Variants in RNF168 observed in about 807,000 individuals in gnomAD.
RNF168 encodes E3 ubiquitin-protein ligase RNF168.
A neutral mutation model predicts 34.9 loss-of-function variants in RNF168; 34 were observed. The ratio of observed to expected loss-of-function variants is 0.97; its 90% CI spans 0.74 to 1.30. The LOEUF (loss-of-function observed/expected upper bound fraction) is 1.30. Among genes scored for constraint, RNF168 ranks in the 50% most tolerant of loss-of-function variants. RNF168 has a pLI of 0.00. For missense variants in RNF168, 725 were observed against 682.5 expected, an observed-to-expected ratio of 1.06 and a Z score of -0.69; for synonymous variants, 264 against 254.7, an observed-to-expected ratio of 1.04 and a Z score of -0.35.
chr3:196,497,300 T>G (rs754982508), intron 1 of RNF168, among the ~76,000 whole-genome samples: 11 of 152,158 alleles, frequency 7.2e-5, no homozygotes, highest in African/African-American at 2.7e-4. Context: ...GATACCCATA[T>G]GGGAAAAAGT....
rs116957967 is a variant in RNF168 at position 196,502,671 on chromosome 3, T to C, written c.301+202A>G. 2.9e-3 allele frequency among the ~76,000 whole-genome samples: 447 copies of C among 152,220 alleles called. 21 individuals are homozygous for C. In the South Asian group the frequency reaches 0.075, roughly 25 times the overall value. The stretch of plus-strand genomic sequence containing the variant: ...ACCCATCGAACACAGCGCGGGCATT[T>C]TGACAATGGACAAAATCTTGCCCTT... On this transcript the variant is annotated intron_variant, in intron 1 of 5. Coordinates refer to ENST00000318037, the MANE Select transcript of RNF168 (RefSeq NM_152617.4).
chr3:196,486,589 T>C (rs1732429449), intron 3 of RNF168, among the ~76,000 whole-genome samples: 1 of 152,196 alleles, frequency 6.6e-6, no homozygotes, highest in African/African-American at 2.4e-5. Context: ...TCGCCTCAGC[T>C]TCCCAATGTA....
intron 3 of RNF168, among the ~76,000 whole-genome samples, chr3:196,487,047 C>T (rs1446252580): frequency 6.6e-6 from 1 of 152,182 alleles, no homozygotes; most frequent in African/African-American, 2.4e-5. Context: ...AGAGTAAGAC[C>T]TGTCTCAAAA....
intron 3 of RNF168, among the ~76,000 whole-genome samples, chr3:196,485,559 A>C (rs928396977): frequency 6.6e-6 from 1 of 152,094 alleles, no homozygotes; most frequent in Non-Finnish European, 1.5e-5. Flanking sequence ...CCATGGGAAA[A>C]CTAGATATAC....
chr3:196,481,744 C>G (rs1465579975), intron 4 of RNF168, among the ~76,000 whole-genome samples: 1 of 118,936 alleles, frequency 8.4e-6, no homozygotes, highest in East Asian at 2.7e-4. Flanking sequence ...GCTTCGACCT[C>G]TTGGGCTCAA....
intron 1 of RNF168, among the ~76,000 whole-genome samples, chr3:196,499,219 C>A (rs1315732952): frequency 6.6e-6 from 1 of 151,888 alleles, no homozygotes; most frequent in Non-Finnish European, 1.5e-5. Flanking sequence ...TAAAGACAGA[C>A]ACACCGGGAA....
Position 196,471,041 on chromosome 3 carries a change from AG to A in RNF168, c.*777del, listed in dbSNP as rs1731986641. 1.4e-5 allele frequency: 2 copies of A among 140,760 alleles called. No homozygotes were observed. The highest frequency in any genetic ancestry group is 7.0e-5 in the Admixed American group (1 of 14,294). 8.7% of individuals were successfully genotyped at this position (140,760 alleles called of 1,614,324 possible). ...AAAAGTACAAAAAAAAAAAAAAATT[AG>A]CTGGGTAGCTGGGTGTAGTGGCACA... On this transcript the variant is annotated 3_prime_UTR_variant, in exon 6 of 6. Transcript: ENST00000318037.
At chr3:196,491,366 A>T (rs889075117) in intron 1 of RNF168, among the ~76,000 whole-genome samples, 5 of 151,690 alleles carry the variant, frequency 3.3e-5, no homozygotes, top group African/African-American at 1.2e-4. Flanking sequence ...AACTGACAGT[A>T]GGCCGGGCAC....
chr3:196,502,041 C>T (rs550299911), intron 1 of RNF168, among the ~76,000 whole-genome samples: 7 of 90,174 alleles, frequency 7.8e-5, no homozygotes, highest in African/African-American at 3.0e-4. Context: ...ATAACTGTGA[C>T]CAAAAAAAAT....
intron 3 of RNF168, among the ~76,000 whole-genome samples, chr3:196,485,031 C>T (rs1282001586): frequency 6.6e-6 from 1 of 151,984 alleles, no homozygotes; most frequent in African/African-American, 2.4e-5. Context: ...TGTGGATATA[C>T]CCAAAAGAAT....
chr3:196,489,937 G>A lies in RNF168; in HGVS notation c.302-1254C>T, dbSNP rs114358944. ...ATTTCTTTAAAGAAACAGATCTAGA[G>A]AGAGCCAGAGCAGCTAATGTAATAG... On this transcript the variant is annotated intron_variant, in intron 1 of 5. Coordinates refer to ENST00000318037, the MANE Select transcript of RNF168 (RefSeq NM_152617.4). Among the ~76,000 whole-genome samples, 612 of 152,328 alleles carry A rather than the reference G, an allele frequency of 4.0e-3. 5 individuals carry two copies. Among genetic ancestry groups the A allele is most frequent in the African/African-American group, 0.014 (588 of 41,564 alleles).
At chr3:196,496,101 A>G (rs1732737459) in intron 1 of RNF168, among the ~76,000 whole-genome samples, 1 of 152,232 alleles carries the variant, frequency 6.6e-6, no homozygotes, top group Non-Finnish European at 1.5e-5. Context: ...ATTATCAATG[A>G]ACAATACTGA....
At chr3:196,502,119 G>A (rs1188764096) in intron 1 of RNF168, among the ~76,000 whole-genome samples, 2 of 130,072 alleles carry the variant, frequency 1.5e-5, no homozygotes, top group African/African-American at 5.8e-5. Flanking sequence ...CATATCCTAA[G>A]CCCAGACAGG....
Position 196,471,194 on chromosome 3 carries a change from T to C in RNF168, c.*625A>G. On this transcript the variant is annotated 3_prime_UTR_variant, in exon 6 of 6. Transcript: ENST00000318037. ...CTGCGTGACAGAGCAAGACTCTGTC[T>C]CCAAAAAAAAAAAAAAAAAAAAAAA... The C allele has an allele frequency of 4.8e-5, 1 of 20,838 alleles. No individual in the cohort carries two copies. Among genetic ancestry groups the C allele is most frequent in the Admixed American group, 1.1e-3 (1 of 904 alleles). The allele number at this position is 20,838 out of a possible 1,614,324, so 1.3% of individuals were successfully genotyped here.
intron 1 of RNF168, among the ~76,000 whole-genome samples, chr3:196,500,739 T>C (rs1474627851): frequency 6.6e-6 from 1 of 151,754 alleles, no homozygotes; most frequent in Non-Finnish European, 1.5e-5. Context: ...TGAAACGGAG[T>C]CTCGCTCTGT....
At chr3:196,491,634 A>G (rs1174319077) in intron 1 of RNF168, among the ~76,000 whole-genome samples, 2 of 152,200 alleles carry the variant, frequency 1.3e-5, no homozygotes, top group Non-Finnish European at 2.9e-5. Context: ...CGACAGAGGG[A>G]GGCTCCGTCT....
chr3:196,490,822 A>T (rs538359277), intron 1 of RNF168, among the ~76,000 whole-genome samples: 1 of 152,332 alleles, frequency 6.6e-6, no homozygotes, highest in Non-Finnish European at 1.5e-5. Flanking sequence ...TATTTTAGTC[A>T]CTAAGGAGGA....
chr3:196,495,080 A>G (rs1350434068), intron 1 of RNF168, among the ~76,000 whole-genome samples: 1 of 152,090 alleles, frequency 6.6e-6, no homozygotes, highest in Non-Finnish European at 1.5e-5. Context: ...TATTTTGAAA[A>G]TTTTCAAATC....
At chr3:196,482,301 G>A (rs1292493785) in intron 4 of RNF168, among the ~76,000 whole-genome samples, 5 of 152,112 alleles carry the variant, frequency 3.3e-5, no homozygotes, top group Admixed American at 6.6e-5. Flanking sequence ...GAATTGAGGT[G>A]TAATTCACAT....
Sources: gnomAD v4.1 joint callset for allele counts (sites outside exome capture counted in the v4.1 genomes callset) on GRCh38, gnomAD v4.1.1 for gene constraint, MANE v1.5 for transcripts, NCBI Gene and HGNC (gene_info 2026-07-23, HGNC 2026-07-21) for gene names.